HSF2BP: variants seen among roughly 807,000 people sequenced by gnomAD.
HSF2BP encodes the protein heat shock factor 2-binding protein.
HSF2BP carries 35 observed loss-of-function variants against 35.0 expected under a neutral mutation model. The observed-to-expected ratio is 1.00, with a 90% confidence interval of 0.76 to 1.32. The LOEUF is 1.32. Among genes scored for constraint, HSF2BP ranks in the 40% most tolerant of loss-of-function variants. HSF2BP has a pLI of 0.00. For missense variants in HSF2BP, 326 were observed against 321.7 expected, an observed-to-expected ratio of 1.01 and a Z score of -0.10; for synonymous variants, 114 against 117.4, an observed-to-expected ratio of 0.97 and a Z score of 0.18.
At chr21:43,654,202 C>G (rs903203078) in intron 3 of HSF2BP, among the ~76,000 whole-genome samples, 2 of 152,232 alleles carry the variant, frequency 1.3e-5, no homozygotes, top group Admixed American at 6.5e-5. Context: ...CACTGAGAAG[C>G]CTTATTCTGT....
intron 7 of HSF2BP, among the ~76,000 whole-genome samples, chr21:43,594,624 G>T (rs901304402): frequency 6.6e-6 from 1 of 151,854 alleles, no homozygotes; most frequent in African/African-American, 2.4e-5. Context: ...TTGAAAGAAA[G>T]ATAACAGAGT....
At chr21:43,601,998 C>G (rs946078776) in intron 7 of HSF2BP, among the ~76,000 whole-genome samples, 1 of 152,118 alleles carries the variant, frequency 6.6e-6, no homozygotes, top group African/African-American at 2.4e-5. Flanking sequence ...AAAAAGGGAT[C>G]GGGCCACCAA....
chr21:43,608,773 G>A (rs2082166507), intron 7 of HSF2BP, among the ~76,000 whole-genome samples: 1 of 151,846 alleles, frequency 6.6e-6, no homozygotes, highest in South Asian at 2.1e-4. Context: ...ACTATCCTGG[G>A]CAAGAAAGTG....
intron 7 of HSF2BP, among the ~76,000 whole-genome samples, chr21:43,613,511 T>C (rs946259579): frequency 6.6e-6 from 1 of 152,206 alleles, no homozygotes; most frequent in Non-Finnish European, 1.5e-5. Flanking sequence ...ATTTGTTACA[T>C]AAAAATAGAA....
At chr21:43,467,391 C>T in the HSF2BP span, 1 of 66,574 alleles carries the variant, frequency 1.5e-5, no homozygotes, top group African/African-American at 6.6e-5. Flanking sequence ...CTCCAGCCAC[C>T]ATCAGGTCTG....
At chr21:43,606,306 G>A (rs896502556) in intron 7 of HSF2BP, among the ~76,000 whole-genome samples, 1 of 152,224 alleles carries the variant, frequency 6.6e-6, no homozygotes, top group Non-Finnish European at 1.5e-5. Context: ...AACAGCCCCA[G>A]CTGTAGGAAC....
At chr21:43,590,717 A>G (rs1300343685) in intron 8 of HSF2BP, among the ~76,000 whole-genome samples, 3 of 152,236 alleles carry the variant, frequency 2.0e-5, no homozygotes, top group Non-Finnish European at 2.9e-5. Flanking sequence ...ATGGATCTCA[A>G]AATAATTATG....
At chr21:43,657,246 T>TGTACGCAGCAGGCTGACAC (rs1568948533) in intron 2 of HSF2BP, among the ~76,000 whole-genome samples, 1 of 152,126 alleles carries the variant, frequency 6.6e-6, no homozygotes, top group African/African-American at 2.4e-5. Context: ...GGCCGGCGCC[T>TGTACGCAGCAGGCTGACAC]GTACGCAGCA....
At chr21:43,652,962 T>C (rs1421322667) in intron 3 of HSF2BP, among the ~76,000 whole-genome samples, 1 of 151,992 alleles carries the variant, frequency 6.6e-6, no homozygotes, top group Non-Finnish European at 1.5e-5. Context: ...TGGTGAAACC[T>C]GGTCTCTAAC....
intron 4 of HSF2BP, among the ~76,000 whole-genome samples, chr21:43,643,398 C>T (rs2082665399): frequency 6.6e-6 from 1 of 152,092 alleles, no homozygotes; most frequent in African/African-American, 2.4e-5. Flanking sequence ...GTGGATTCCT[C>T]ATGAAGCGAT....
At chr21:43,655,199 T>C (rs890003465) in intron 3 of HSF2BP, among the ~76,000 whole-genome samples, 1 of 152,248 alleles carries the variant, frequency 6.6e-6, no homozygotes, top group African/African-American at 2.4e-5. Flanking sequence ...CTGCTACTGG[T>C]GTATGCCTAT....
intron 5 of HSF2BP, among the ~76,000 whole-genome samples, chr21:43,633,008 A>G (rs1046525342): frequency 8.5e-5 from 13 of 152,162 alleles, no homozygotes. Flanking sequence ...TGATCTTCTT[A>G]AACACATGTA....
intron 7 of HSF2BP, among the ~76,000 whole-genome samples, chr21:43,600,113 C>CCTA (rs1354451270): frequency 4.6e-5 from 7 of 152,138 alleles, no homozygotes; most frequent in African/African-American, 1.7e-4. Context: ...GTTCTCTTTA[C>CCTA]CTAAATATAC....
intron 2 of HSF2BP, among the ~76,000 whole-genome samples, chr21:43,657,554 C>T (rs962481735): frequency 6.6e-6 from 1 of 152,174 alleles, no homozygotes; most frequent in African/African-American, 2.4e-5. Flanking sequence ...AATTAAGGCA[C>T]GGGAGCTAGA....
intron 7 of HSF2BP, among the ~76,000 whole-genome samples, chr21:43,604,522 CCACA>C (rs369177933): frequency 7.3e-6 from 1 of 137,432 alleles, no homozygotes; most frequent in Non-Finnish European, 1.6e-5. Context: ...TATACACACC[CCACA>C]CACACACCAC....
intron 3 of HSF2BP, among the ~76,000 whole-genome samples, chr21:43,656,175 T>C (rs747398534): frequency 6.6e-6 from 1 of 152,196 alleles, no homozygotes; most frequent in Non-Finnish European, 1.5e-5. Context: ...AGATACTGGC[T>C]CACCCATCCA....
intron 6 of HSF2BP, among the ~76,000 whole-genome samples, chr21:43,619,735 G>T (rs1360763277): frequency 6.6e-6 from 1 of 152,236 alleles, no homozygotes; most frequent in Non-Finnish European, 1.5e-5. Context: ...ACCACTGTAA[G>T]TACCTGAAGG....
chr21:43,606,612 C>G (rs1189571621), intron 7 of HSF2BP, among the ~76,000 whole-genome samples: 1 of 152,122 alleles, frequency 6.6e-6, no homozygotes, highest in Admixed American at 6.5e-5. Context: ...GTGAAGGGCA[C>G]AGCAAATCTT....
At chr21:43,612,634 G>C (rs1311494395) in intron 7 of HSF2BP, among the ~76,000 whole-genome samples, 2 of 134,220 alleles carry the variant, frequency 1.5e-5, no homozygotes, top group African/African-American at 5.7e-5. Context: ...CCGGGTGACA[G>C]AGCAAGACTC....
Sources: gnomAD v4.1 joint callset for allele counts (sites outside exome capture counted in the v4.1 genomes callset) on GRCh38, gnomAD v4.1.1 for gene constraint, MANE v1.5 for transcripts, NCBI Gene and HGNC (gene_info 2026-07-23, HGNC 2026-07-21) for gene names.